The following GPHN variants were observed in gnomAD, a reference collection of about 807,000 sequenced individuals.
GPHN encodes gephyrin.
Under a neutral mutation model 95.5 loss-of-function variants are expected in GPHN, and 17 were observed. The observed-to-expected ratio is 0.18, with a 90% CI of 0.12 to 0.27. GPHN has a LOEUF of 0.27. Ranked by LOEUF, GPHN falls within the 10% of genes least tolerant of loss-of-function variation. GPHN has a pLI of 1.00. For missense variants in GPHN, 660 were observed against 978.1 expected, an observed-to-expected ratio of 0.67 and a Z score of 4.34; for synonymous variants, 320 against 322.5, an observed-to-expected ratio of 0.99 and a Z score of 0.08.
the GPHN span, chr14:67,650,679 G>A: frequency 6.3e-7 from 1 of 1,599,734 alleles, no homozygotes; most frequent in Admixed American, 1.7e-5. Flanking sequence ...GTAGCAGCAA[G>A]GGAACCTGAG....
chr14:66,550,420 A>T (rs1285327202), intron 1 of GPHN, among the ~76,000 whole-genome samples: 1 of 152,228 alleles, frequency 6.6e-6, no homozygotes, highest in Non-Finnish European at 1.5e-5. Flanking sequence ...GAATGGATGA[A>T]GAGTTGCTTC....
intron 2 of GPHN, among the ~76,000 whole-genome samples, chr14:66,727,704 A>G (rs2071375223): frequency 6.6e-6 from 1 of 152,226 alleles, no homozygotes; most frequent in African/African-American, 2.4e-5. Flanking sequence ...ACAGTAAAGC[A>G]TTCAAGAGGT....
At chr14:67,621,431 C>T in the GPHN span, among the ~76,000 whole-genome samples, 1 of 151,726 alleles carries the variant, frequency 6.6e-6, no homozygotes, top group Non-Finnish European at 1.5e-5. Context: ...AACTAATAGG[C>T]TTAGATCTAT....
chr14:67,112,014 CAGTT>C, intron 15 of GPHN, 95 bp downstream of exon 15: 2 of 927,040 alleles, frequency 2.2e-6, no homozygotes, highest in South Asian at 2.7e-5. Flanking sequence ...GCAGCCATGT[CAGTT>C]AGCCATTAAT....
At position 67,118,730 on chromosome 14, in the gene GPHN, T is replaced by A. The variant is rs1595221050; in HGVS notation, c.1627-3526T>A. 2.0e-5 allele frequency among the ~76,000 whole-genome samples: 3 copies of A among 149,506 alleles called. No homozygotes were observed. In the East Asian group the frequency reaches 5.9e-4, roughly 29 times the overall value. On this transcript the variant is annotated intron_variant, in intron 16 of 22. Coordinates refer to ENST00000478722, the MANE Select transcript of GPHN (RefSeq NM_020806.5). ...CAGGGCGACAGAGCGAGACTCCGTC[T>A]CAAAAAAAAAAAAAGATTCATCCCT... is the stretch of plus-strand genomic sequence containing the variant.
At chr14:67,160,523 C>T (rs186633522) in intron 19 of GPHN, among the ~76,000 whole-genome samples, 5 of 152,190 alleles carry the variant, frequency 3.3e-5, no homozygotes, top group South Asian at 2.1e-4. Context: ...GGTTGCCAAA[C>T]GTTGGTATTA....
intron 1 of GPHN, among the ~76,000 whole-genome samples, chr14:66,524,841 T>C (rs952332135): frequency 2.0e-5 from 3 of 152,188 alleles, no homozygotes. Flanking sequence ...CCTTTTTTTA[T>C]GGCTGCATCA....
intron 13 of GPHN, among the ~76,000 whole-genome samples, chr14:67,102,141 G>A (rs1263550850): frequency 2.0e-5 from 3 of 151,832 alleles, no homozygotes; most frequent in Non-Finnish European, 4.4e-5. Context: ...CAAAGTGCTG[G>A]GATTACAAGC....
At chr14:67,089,453 A>G (rs568079506) in intron 12 of GPHN, among the ~76,000 whole-genome samples, 2 of 152,270 alleles carry the variant, frequency 1.3e-5, no homozygotes, top group South Asian at 2.1e-4. Context: ...GGTATCTGTC[A>G]CATCAAGTGT....
intron 11 of GPHN, among the ~76,000 whole-genome samples, chr14:67,062,784 ATTTG>A (rs2075877455): frequency 6.6e-6 from 1 of 151,982 alleles, no homozygotes; most frequent in African/African-American, 2.4e-5. Flanking sequence ...TTTCTTGTAA[ATTTG>A]TTTAAGTTCT....
chr14:66,547,799 A>G (rs181784603), intron 1 of GPHN, among the ~76,000 whole-genome samples: 24 of 152,342 alleles, frequency 1.6e-4, no homozygotes, highest in African/African-American at 5.3e-4. Flanking sequence ...TGGTGTGCAT[A>G]CCATACATCA....
At chr14:67,643,110 C>T in the GPHN span, among the ~76,000 whole-genome samples, 123 of 152,120 alleles carry the variant, frequency 8.1e-4, 1 homozygote, top group Non-Finnish European at 2.5e-4. Context: ...GCTGTGGATA[C>T]ATTTTCTGCC....
chr14:67,232,807 T>A, the GPHN span, among the ~76,000 whole-genome samples: 3 of 152,202 alleles, frequency 2.0e-5, no homozygotes, highest in African/African-American at 4.8e-5. Context: ...TCCAGTGCCC[T>A]GAGCTGAGAT....
intron 1 of GPHN, among the ~76,000 whole-genome samples, chr14:66,566,997 A>G (rs564530435): frequency 6.6e-6 from 1 of 152,300 alleles, no homozygotes; most frequent in East Asian, 1.9e-4. Flanking sequence ...GGTTGGCACT[A>G]TGTTTTAAAA....
chr14:67,382,919 G>T, the GPHN span, among the ~76,000 whole-genome samples: 1 of 151,962 alleles, frequency 6.6e-6, no homozygotes, highest in Non-Finnish European at 1.5e-5. Context: ...GTGTGTGTGT[G>T]TGTGTGTGTT....
chr14:67,695,552 A>G, the GPHN span: 1 of 1,440,320 alleles, frequency 6.9e-7, no homozygotes, highest in East Asian at 2.4e-5. Context: ...TTTCCAAGAA[A>G]GCTTTGGTGG....
At chr14:66,588,730 A>G (rs1243004214) in intron 1 of GPHN, among the ~76,000 whole-genome samples, 1 of 152,184 alleles carries the variant, frequency 6.6e-6, no homozygotes, top group Non-Finnish European at 1.5e-5. Flanking sequence ...ATATGGGACT[A>G]TGTGAAAAGA....
intron 10 of GPHN, among the ~76,000 whole-genome samples, chr14:67,031,000 TTTTGTTTG>T (rs61031989): frequency 0.035 from 5,277 of 150,218 alleles, 256 homozygotes; most frequent in African/African-American, 0.11. Flanking sequence ...ATACTGGGGG[TTTTGTTTG>T]TTTGTTTGTT....
chr14:67,309,145 T>C, the GPHN span, among the ~76,000 whole-genome samples: 1 of 152,204 alleles, frequency 6.6e-6, no homozygotes, highest in East Asian at 1.9e-4. Flanking sequence ...GATATTATTA[T>C]AGCATTATGA....
Sources: gnomAD v4.1 joint callset for allele counts (sites outside exome capture counted in the v4.1 genomes callset) on GRCh38, gnomAD v4.1.1 for gene constraint, MANE v1.5 for transcripts, NCBI Gene and HGNC (gene_info 2026-07-23, HGNC 2026-07-21) for gene names.